EMP2: variants seen among roughly 807,000 people sequenced by gnomAD.
EMP2 encodes the protein epithelial membrane protein 2.
Under a neutral mutation model 13.7 loss-of-function variants are expected in EMP2, and 19 were observed. The ratio of observed to expected loss-of-function variants is 1.38; its 90% CI spans 0.97 to 2.03. EMP2 has a LOEUF of 2.03. EMP2 is among the 30% of genes most tolerant of loss of function. The pLI, the probability that EMP2 is intolerant of heterozygous loss-of-function variation, is 0.00. For missense variants in EMP2, 253 were observed against 220.7 expected (o/e 1.15, Z -0.93); for synonymous variants, 97 against 84.7 (o/e 1.15, Z -0.80).
At chr16:10,534,976 C>T (rs2050636017) in intron 4 of EMP2, among the ~76,000 whole-genome samples, 1 of 152,200 alleles carries the variant, frequency 6.6e-6, no homozygotes, top group Non-Finnish European at 1.5e-5. Flanking sequence ...TCCTGGAAAC[C>T]TGAGTCTAAA....
In EMP2 at chr16:10,555,351, C is replaced by G. The variant is rs554022145; in HGVS notation, c.-60-7674G>C. On this transcript the variant is annotated intron_variant, in intron 1 of 4. Transcript: ENST00000359543. ...TTCTTTAGGGGCCAAGCAGAACATT[C>G]TAAAAGGCCACCTGAGTTTGGGCGC... is the stretch of plus-strand genomic sequence containing the variant. Among the ~76,000 whole-genome samples, 15 of 152,304 alleles carry G rather than the reference C, an allele frequency of 9.8e-5. 1 individual carries two copies. In the South Asian group the frequency reaches 3.1e-3, roughly 32 times the overall value.
chr16:10,576,467 A>C (rs1157336185), intron 1 of EMP2: 1 of 152,036 alleles, frequency 6.6e-6, no homozygotes, highest in Non-Finnish European at 1.5e-5. Flanking sequence ...AGCGGTCTGC[A>C]CTGAGACGCT....
At chr16:10,566,588 T>C (rs1484382867) in intron 1 of EMP2, among the ~76,000 whole-genome samples, 2 of 152,192 alleles carry the variant, frequency 1.3e-5, no homozygotes, top group African/African-American at 4.8e-5. Flanking sequence ...CCCAGCATCA[T>C]GAATCCCACT....
At chr16:10,551,603 C>T (rs1009577485) in intron 1 of EMP2, among the ~76,000 whole-genome samples, 6 of 152,168 alleles carry the variant, frequency 3.9e-5, no homozygotes, top group Non-Finnish European at 7.3e-5. Flanking sequence ...GACAGAGTTT[C>T]ACTGTGTTTG....
chr16:10,551,765 T>C (rs746509232), intron 1 of EMP2, among the ~76,000 whole-genome samples: 142 of 152,240 alleles, frequency 9.3e-4, no homozygotes, highest in Non-Finnish European at 3.5e-4. Flanking sequence ...CCTCCTCTAG[T>C]GGACATGCAC....
intron 1 of EMP2, among the ~76,000 whole-genome samples, chr16:10,549,748 C>CAT (rs2050770025): frequency 6.6e-6 from 1 of 151,640 alleles, no homozygotes; most frequent in African/African-American, 2.4e-5. Context: ...CACACACACA[C>CAT]ATACACTGTC....
chr16:10,537,794 C>G (rs185553382), intron 4 of EMP2, 134 bp downstream of exon 4: 2 of 1,103,624 alleles, frequency 1.8e-6, no homozygotes, highest in Non-Finnish European at 2.6e-6. Flanking sequence ...AAACACACAC[C>G]GGCACACAGC....
intron 1 of EMP2, among the ~76,000 whole-genome samples, chr16:10,567,289 T>TTTTCAAGAGTG (rs1366141912): frequency 6.6e-6 from 1 of 152,146 alleles, no homozygotes; most frequent in Non-Finnish European, 1.5e-5. Flanking sequence ...AGGGATGCTG[T>TTTTCAAGAGTG]TTTCAAGAGT....
chr16:10,559,737 C>A (rs1030616904), intron 1 of EMP2, among the ~76,000 whole-genome samples: 2 of 152,112 alleles, frequency 1.3e-5, no homozygotes, highest in Admixed American at 6.5e-5. Flanking sequence ...TGCCATGGTG[C>A]GATCTCAGCT....
At chr16:10,551,209 A>G (rs906260849) in intron 1 of EMP2, among the ~76,000 whole-genome samples, 2 of 151,994 alleles carry the variant, frequency 1.3e-5, no homozygotes, top group Non-Finnish European at 2.9e-5. Context: ...GGATTTGTCT[A>G]TTTTAGATAT....
At chr16:10,567,793 C>T (rs569842913) in intron 1 of EMP2, among the ~76,000 whole-genome samples, 62 of 152,302 alleles carry the variant, frequency 4.1e-4, no homozygotes, top group African/African-American at 5.3e-4. Context: ...CATGGACTCC[C>T]GCTGTGAGCA....
chr16:10,558,415 TCTC>T (rs1398914864), intron 1 of EMP2, among the ~76,000 whole-genome samples: 1 of 152,114 alleles, frequency 6.6e-6, no homozygotes, highest in South Asian at 2.1e-4. Context: ...AGAATTGACA[TCTC>T]CTCGCTGTTT....
chr16:10,542,260 T>C (rs867320588), intron 3 of EMP2, among the ~76,000 whole-genome samples: 1 of 152,066 alleles, frequency 6.6e-6, no homozygotes, highest in Non-Finnish European at 1.5e-5. Flanking sequence ...TAGCTGGGCA[T>C]GGTGGTGAGT....
Position 10,533,026 on chromosome 16 carries a change from G to A in EMP2, c.383C>T (p.Ala128Val), listed in dbSNP as rs373205953. ...TTCTCTGGTCACGGGATAGAATTTC[G>A]CGTTTTTGTCGTGAATGTCTTCACG... The part of the protein sequence containing the change: ...DRREDIHDKN[A>V]KFYPVTREGS... Residue 128 changes from alanine to valine, a missense_variant, in exon 5 of 5, where the codon GCG becomes GTG. By Grantham distance (64) the Ala-to-Val change is moderately conservative. Transcript: ENST00000359543. The A allele has an allele frequency of 4.8e-5, 77 of 1,611,092 alleles. No homozygotes were observed. In the African/African-American group the frequency reaches 6.1e-4, roughly 13 times the overall value.
At chr16:10,557,526 G>A (rs77293526) in intron 1 of EMP2, among the ~76,000 whole-genome samples, 7,827 of 152,126 alleles carry the variant, frequency 0.051, 295 homozygotes, top group East Asian at 0.13. Context: ...TTTTTCCTTG[G>A]TATCTAAAAG....
At chr16:10,573,080 TGC>T (rs1161241725) in intron 1 of EMP2, among the ~76,000 whole-genome samples, 4 of 152,176 alleles carry the variant, frequency 2.6e-5, no homozygotes, top group Non-Finnish European at 5.9e-5. Context: ...GATGGGGTCT[TGC>T]TCTGTCACCC....
In EMP2 at chr16:10,532,602, C is replaced by G. The variant is rs1027597569; in HGVS notation, c.*303G>C. The stretch of plus-strand genomic sequence containing the variant: ...GCCCCATGGTTAAGAAATGTCCTGC[C>G]GAGTGCTTTTGGATTTGAGCATTGC... On this transcript the variant is annotated 3_prime_UTR_variant, in exon 5 of 5. Transcript: ENST00000359543. 1 of 175,704 alleles carries G rather than the reference C, an allele frequency of 5.7e-6. No homozygotes were observed. The highest frequency in any genetic ancestry group is 1.2e-5 in the Non-Finnish European group (1 of 83,946). 10.9% of individuals were successfully genotyped at this position (175,704 alleles called of 1,614,324 possible).
At chr16:10,537,148 G>C (rs1262482778) in intron 4 of EMP2, among the ~76,000 whole-genome samples, 1 of 152,188 alleles carries the variant, frequency 6.6e-6, no homozygotes, top group Non-Finnish European at 1.5e-5. Context: ...TGATTGGAAA[G>C]CACCCTAGAA....
chr16:10,558,031 G>C (rs368720642), intron 1 of EMP2, among the ~76,000 whole-genome samples: 1 of 139,542 alleles, frequency 7.2e-6, no homozygotes, highest in Non-Finnish European at 1.6e-5. Flanking sequence ...TGAGTTTCAA[G>C]TTTTTTTTTT....
Sources: gnomAD v4.1 joint callset for allele counts (sites outside exome capture counted in the v4.1 genomes callset) on GRCh38, gnomAD v4.1.1 for gene constraint, MANE v1.5 for transcripts, NCBI Gene and HGNC (gene_info 2026-07-23, HGNC 2026-07-21) for gene names.